Variants in NIPSNAP3A observed in about 807,000 individuals in gnomAD.
NIPSNAP3A encodes nipsnap homolog 3A, also known as protein NipSnap homolog 3A.
Under a neutral mutation model 32.3 loss-of-function variants are expected in NIPSNAP3A, and 27 were observed. The observed-to-expected ratio is 0.84, with a 90% CI of 0.62 to 1.15. NIPSNAP3A has a LOEUF of 1.15. NIPSNAP3A is among the 50% of genes most tolerant of loss of function. NIPSNAP3A has a pLI of 0.00. For synonymous variants in NIPSNAP3A, 108 were observed against 107.3 expected (o/e 1.01, Z -0.04); for missense variants, 278 against 297.2 (o/e 0.94, Z 0.48).
intron 4 of NIPSNAP3A, among the ~76,000 whole-genome samples, chr9:104,757,646 T>C (rs1827921425): frequency 6.6e-6 from 1 of 152,250 alleles, no homozygotes. Flanking sequence ...ACCTTCTTTA[T>C]GTAATACATA....
chr9:104,753,233 TTA>T (rs146938632), intron 3 of NIPSNAP3A, among the ~76,000 whole-genome samples, 169 bp downstream of exon 3: 9,764 of 152,162 alleles, frequency 0.064, 928 homozygotes, highest in African/African-American at 0.21. Flanking sequence ...ACCCCATCCT[TTA>T]AAAAAATGAG....
chr9:104,750,006 C>G (rs913807782), intron 1 of NIPSNAP3A, among the ~76,000 whole-genome samples: 1 of 152,172 alleles, frequency 6.6e-6, no homozygotes, highest in Non-Finnish European at 1.5e-5. Flanking sequence ...TAGTTACATT[C>G]CAGTCCTAAT....
At chr9:104,751,862 G>C (rs1827852193) in intron 2 of NIPSNAP3A, among the ~76,000 whole-genome samples, 1 of 152,134 alleles carries the variant, frequency 6.6e-6, no homozygotes, top group Non-Finnish European at 1.5e-5. Context: ...GTAGAGGAAG[G>C]AGAATAAGTT....
rs1281207345 is a variant in NIPSNAP3A, at chr9:104,754,151, G to A, written c.431-400G>A. 1.3e-5 allele frequency: 2 copies of A among 157,012 alleles called. 1 individual carries two copies. The highest frequency in any genetic ancestry group is 3.7e-4 in the East Asian group (2 of 5,352). 9.7% of individuals were successfully genotyped at this position (157,012 alleles called of 1,614,324 possible). On this transcript the variant is annotated intron_variant, in intron 3 of 5. Transcript: ENST00000374767. ...ATGAAGAAAAACATAGTGGAAATTG[G>A]AAAGAATGAAAATATAGATTGGAAA...
At position 104,759,834 on chromosome 9, in the gene NIPSNAP3A, T is replaced by A. The variant is rs989239322; in HGVS notation, c.*496T>A. On this transcript the variant is annotated 3_prime_UTR_variant, in exon 6 of 6. Coordinates refer to ENST00000374767, the MANE Select transcript of NIPSNAP3A (RefSeq NM_015469.3). ...ATTTAAGAAAATTAACGTATTTCTT[T>A]ACTATGGAAAACCACATTGTCATTT... 1.9e-5 allele frequency: 3 copies of A among 155,678 alleles called. No homozygotes were observed. The highest frequency in any genetic ancestry group is 4.8e-5 in the African/African-American group (2 of 41,474). The allele number at this position is 155,678 out of a possible 1,614,324, so 9.6% of individuals were successfully genotyped here. A position where few individuals can be genotyped will look rare whatever the true frequency, so the allele number is the denominator to read the frequency against.
intron 4 of NIPSNAP3A, 30 bp from the exon 5 acceptor site, chr9:104,759,055 T>G: frequency 6.3e-7 from 1 of 1,598,310 alleles, no homozygotes; most frequent in Non-Finnish European, 8.5e-7. Context: ...GCCATATTTT[T>G]TAGAAGCTAC....
chr9:104,758,120 GAAATAGTCT>G (rs1827926822), intron 4 of NIPSNAP3A, among the ~76,000 whole-genome samples: 1 of 151,892 alleles, frequency 6.6e-6, no homozygotes, highest in Admixed American at 6.6e-5. Flanking sequence ...TGAAATATTG[GAAATAGTCT>G]AAATAGTCAA....
intron 1 of NIPSNAP3A, among the ~76,000 whole-genome samples, chr9:104,750,189 G>T (rs1049761262): frequency 6.6e-6 from 1 of 152,110 alleles, no homozygotes; most frequent in African/African-American, 2.4e-5. Flanking sequence ...ACTGTAACAC[G>T]TATGCTCTTG....
intron 1 of NIPSNAP3A, 99 bp from the exon 2 acceptor site, chr9:104,750,857 G>C: frequency 1.1e-6 from 1 of 911,260 alleles, no homozygotes; most frequent in Middle Eastern, 2.5e-4. Flanking sequence ...TGAGTAATGA[G>C]TCTATGAGTG....
intron 1 of NIPSNAP3A, among the ~76,000 whole-genome samples, 183 bp downstream of exon 1, chr9:104,748,035 T>C (rs1827798383): frequency 8.9e-6 from 1 of 112,724 alleles, no homozygotes; most frequent in South Asian, 3.6e-4. Flanking sequence ...GGAACGCGCG[T>C]GAGGAGGAGG....
intron 3 of NIPSNAP3A, chr9:104,753,638 T>G (rs1827872537): frequency 6.5e-6 from 1 of 152,816 alleles, no homozygotes; most frequent in African/African-American, 2.4e-5. Flanking sequence ...TCTTGCTGAC[T>G]TAAAGAAACT....
At chr9:104,747,972 G>A in intron 1 of NIPSNAP3A, 120 bp downstream of exon 1, 1 of 1,019,822 alleles carries the variant, frequency 9.8e-7, no homozygotes, top group Non-Finnish European at 1.4e-6. Flanking sequence ...CCCAGACCTG[G>A]GGCCCCGGTG....
intron 1 of NIPSNAP3A, among the ~76,000 whole-genome samples, chr9:104,748,983 C>G (rs952463284): frequency 6.6e-6 from 1 of 152,140 alleles, no homozygotes; most frequent in Admixed American, 6.5e-5. Flanking sequence ...CCACCATACC[C>G]GGCTCCCCTG....
chr9:104,756,652 CCTT>C (rs75272803), intron 4 of NIPSNAP3A, among the ~76,000 whole-genome samples: 50,422 of 151,330 alleles, frequency 0.33, 9,713 homozygotes, highest in Non-Finnish European at 0.44. Flanking sequence ...AAAATAAAAG[CCTT>C]ATTTTTATTG....
chr9:104,753,261 TA>T (rs1827868141), intron 3 of NIPSNAP3A, among the ~76,000 whole-genome samples, 197 bp downstream of exon 3: 9 of 152,178 alleles, frequency 5.9e-5, no homozygotes, highest in Admixed American at 5.9e-4. Flanking sequence ...AATAATGAGA[TA>T]TTTTTCAAAT....
intron 1 of NIPSNAP3A, 118 bp downstream of exon 1, chr9:104,747,970 T>C (rs1296062640): frequency 6.2e-6 from 6 of 968,832 alleles, no homozygotes; most frequent in African/African-American, 1.7e-5. Flanking sequence ...CGCCCAGACC[T>C]GGGGCCCCGG....
At chr9:104,757,909 A>C (rs1486625570) in intron 4 of NIPSNAP3A, among the ~76,000 whole-genome samples, 1 of 151,902 alleles carries the variant, frequency 6.6e-6, no homozygotes, top group African/African-American at 2.4e-5. Context: ...ATAAAATTAA[A>C]ATTAAAAAAT....
intron 4 of NIPSNAP3A, 107 bp downstream of exon 4, chr9:104,754,807 C>A: frequency 1.2e-6 from 1 of 824,792 alleles, no homozygotes. Flanking sequence ...TATTTATTGC[C>A]AAATGTTTAG....
Position 104,760,114 on chromosome 9 carries a change from C to T in NIPSNAP3A, c.*776C>T, listed in dbSNP as rs1827957248. Reference sequence around the variant, plus strand: ...AAATGCTTGCCCTAATAAAAGCCTACATATACCTTCTGGTTCTTTTTGTTG... The same window carrying T: ...AAATGCTTGCCCTAATAAAAGCCTATATATACCTTCTGGTTCTTTTTGTTG... On this transcript the variant is annotated 3_prime_UTR_variant, in exon 6 of 6. Coordinates refer to ENST00000374767, the MANE Select transcript of NIPSNAP3A (RefSeq NM_015469.3). 6.6e-6 allele frequency: 1 copy of T among 152,170 alleles called. No homozygotes were observed. The highest frequency in any genetic ancestry group is 2.4e-5 in the African/African-American group (1 of 41,442). The allele number at this position is 152,170 out of a possible 1,614,324, so 9.4% of individuals were successfully genotyped here.
Sources: gnomAD v4.1 joint callset for allele counts (sites outside exome capture counted in the v4.1 genomes callset) on GRCh38, gnomAD v4.1.1 for gene constraint, MANE v1.5 for transcripts, NCBI Gene and HGNC (gene_info 2026-07-23, HGNC 2026-07-21) for gene names.